USP39: variants seen among roughly 807,000 people sequenced by gnomAD.
USP39 encodes ubiquitin carboxyl-terminal hydrolase 39.
In USP39, 38 loss-of-function variants were observed where a neutral mutation model predicts 66.4. That is an observed-to-expected ratio of 0.57 (90% confidence interval 0.44 to 0.75). The LOEUF (loss-of-function observed/expected upper bound fraction) is 0.75. USP39 is among the 30% of genes least tolerant of loss of function. The pLI is 0.00. For missense variants in USP39, 608 were observed against 714.4 expected (o/e 0.85, Z 1.70); for synonymous variants, 303 against 274.6 (o/e 1.10, Z -1.02).
chr2:85,611,189 C>G, upstream of USP39: 1 of 1,087,700 alleles, frequency 9.2e-7, no homozygotes, highest in Non-Finnish European at 1.2e-6. Flanking sequence ...GCCTGGGCGA[C>G]AGAGACCTAG....
chr2:85,633,232 C>T (rs749788332), intron 6 of USP39, among the ~76,000 whole-genome samples: 3 of 151,922 alleles, frequency 2.0e-5, no homozygotes, highest in East Asian at 1.9e-4. Context: ...GCTATTCTGC[C>T]GCCTCAGCCT....
At chr2:85,644,822 C>T in intron 10 of USP39, 126 bp from the exon 11 acceptor site, 2 of 1,310,106 alleles carry the variant, frequency 1.5e-6, no homozygotes, top group African/African-American at 1.5e-5. Context: ...CTTGACTCTG[C>T]AAGCCTACCC....
At chr2:85,606,742 A>C (rs531346528) in intron 1 of USP39, 1 of 152,108 alleles carries the variant, frequency 6.6e-6, no homozygotes, top group Non-Finnish European at 1.5e-5. Context: ...AAAAGGATAC[A>C]ACAGGTACTT....
intron 2 of USP39, among the ~76,000 whole-genome samples, chr2:85,619,873 A>G (rs886351549): frequency 2.0e-5 from 3 of 148,968 alleles, no homozygotes; most frequent in African/African-American, 7.5e-5. Context: ...TTTTTTTTTG[A>G]GATGGAGTTT....
chr2:85,616,555 G>T, intron 1 of USP39, 92 bp downstream of exon 1: 1 of 457,576 alleles, frequency 2.2e-6, no homozygotes, highest in Non-Finnish European at 3.3e-6. Flanking sequence ...CACTGCGCCG[G>T]AGTTGGGGGA....
intron 2 of USP39, 80 bp downstream of exon 2, chr2:85,619,369 A>G: frequency 6.9e-7 from 1 of 1,440,832 alleles, no homozygotes; most frequent in African/African-American, 1.4e-5. Context: ...ACAGTGAACA[A>G]CACATTGACA....
chr2:85,634,153 G>C (rs1465733421), intron 6 of USP39, among the ~76,000 whole-genome samples: 1 of 151,798 alleles, frequency 6.6e-6, no homozygotes, highest in East Asian at 2.0e-4. Flanking sequence ...TGGCTTTTAA[G>C]AGTCTCTGGT....
chr2:85,611,693 C>A (rs1319379859), upstream of USP39: 1 of 1,578,562 alleles, frequency 6.3e-7, no homozygotes, highest in Non-Finnish European at 8.6e-7. Flanking sequence ...GGTACACCTG[C>A]AGGTCTGGCT....
At chr2:85,646,469 C>G (rs989187916) in intron 11 of USP39, among the ~76,000 whole-genome samples, 3 of 152,180 alleles carry the variant, frequency 2.0e-5, no homozygotes, top group Non-Finnish European at 4.4e-5. Flanking sequence ...GAGACCTAGG[C>G]TCAGAGTTTC....
At position 85,619,300 on chromosome 2, in the gene USP39, C is replaced by T. The variant is rs1200445110; in HGVS notation, c.338+11C>T. 6.2e-7 allele frequency: 1 copy of T among 1,612,144 alleles called. No homozygotes were observed. Among genetic ancestry groups the T allele is most frequent in the East Asian group, 2.2e-5 (1 of 44,860 alleles). The stretch of plus-strand genomic sequence containing the variant: ...GGACACCATTAACAGGTCAGTAGGA[C>T]AGAGATGCTGAGTATAGCACAAGAA... On this transcript the variant is annotated intron_variant, in intron 2 of 12. Transcript: ENST00000323701.
intron 2 of USP39, among the ~76,000 whole-genome samples, chr2:85,620,810 C>T (rs1268457863): frequency 2.0e-5 from 3 of 152,044 alleles, no homozygotes; most frequent in Admixed American, 6.6e-5. Flanking sequence ...GGATTATTAT[C>T]GGTTAATTAA....
In USP39 at chr2:85,648,771, G is replaced by C; in HGVS notation, c.1661G>C (p.Arg554Thr). The C allele has an allele frequency of 6.2e-7, 1 of 1,614,130 alleles. No individual in the cohort carries two copies. The highest frequency in any genetic ancestry group is 8.5e-7 in the Non-Finnish European group (1 of 1,179,994). The change falls in exon 13 of 13, where the codon AGG becomes ACG. Residue 554 changes from arginine (R) to threonine (T), a missense_variant. Around this residue, in one of 6 missense-constraint regions of USP39, gnomAD observed 164 missense variants for 250.3 expected, o/e 0.66. Coordinates refer to ENST00000323701, the MANE Select transcript of USP39 (RefSeq NM_006590.4). ...LSEAYIQIWK[R>T]RDNDETNQQG... The stretch of plus-strand genomic sequence containing the variant: ...TTTCATTTCTTACAGATTTGGAAGA[G>C]GCGAGATAATGATGAAACCAACCAG...
chr2:85,603,879 C>G (rs1226633632), intron 1 of USP39, among the ~76,000 whole-genome samples: 7 of 152,204 alleles, frequency 4.6e-5, no homozygotes. Flanking sequence ...AGGCGTGGGC[C>G]ACTGCGCCTG....
At chr2:85,611,651 G>T, upstream of USP39, 2 of 1,557,356 alleles carry the variant, frequency 1.3e-6, no homozygotes, top group East Asian at 2.4e-5. Flanking sequence ...GGAGGCAGGC[G>T]GGGCGGGCGG....
rs767910692 is a variant in USP39 at position 85,630,788 on chromosome 2, G to A, written c.791G>A (p.Arg264His). The A allele has an allele frequency of 1.2e-5, 19 of 1,614,054 alleles. No homozygotes were observed. In the South Asian group the frequency reaches 1.2e-4, roughly 10 times the overall value. Residue 264 changes from arginine to histidine, a missense_variant, in exon 6 of 13, where the codon CGT becomes CAT. Arg to His is a conservative substitution (Grantham distance 29). This residue lies in a region of USP39 where 33 missense variants were observed against 21.7 expected (regional missense o/e 1.52). Coordinates refer to ENST00000323701, the MANE Select transcript of USP39 (RefSeq NM_006590.4). ...LEEDNYKNIKRPPGDIMFLLV... is the reference protein window; with the variant it reads ...LEEDNYKNIKHPPGDIMFLLV... ...GAAGACAATTATAAGAACATCAAAC[G>A]TCCTCCAGGGGATATCATGTTCTTG...
chr2:85,604,231 GAC>G (rs548544940), intron 1 of USP39, among the ~76,000 whole-genome samples: 130 of 152,160 alleles, frequency 8.5e-4, no homozygotes, highest in Non-Finnish European at 1.4e-3. Flanking sequence ...TTTCTTTTGA[GAC>G]AGAGTTTCAC....
At chr2:85,637,196 T>G (rs1292026455) in intron 7 of USP39, among the ~76,000 whole-genome samples, 173 bp from the exon 8 acceptor site, 2 of 152,334 alleles carry the variant, frequency 1.3e-5, no homozygotes, top group Admixed American at 1.3e-4. Context: ...CACAAATAAT[T>G]ATAAAGGTAC....
At chr2:85,645,269 C>A in intron 11 of USP39, 186 bp downstream of exon 11, 4 of 624,856 alleles carry the variant, frequency 6.4e-6, no homozygotes, top group Non-Finnish European at 1.0e-5. Flanking sequence ...TTGGACTCAC[C>A]TTGGGAGCTT....
chr2:85,616,531 A>T (rs1573388769), intron 1 of USP39, 68 bp downstream of exon 1: 1 of 1,117,738 alleles, frequency 8.9e-7, no homozygotes, highest in South Asian at 2.0e-5. Context: ...CTTGTCTCTA[A>T]TCTTCCGCTA....
Sources: allele counts gnomAD v4.1 joint callset (sites outside exome capture counted in the v4.1 genomes callset), GRCh38; gene constraint gnomAD v4.1.1; regional missense constraint gnomAD v4.1.1; transcripts MANE v1.5; gene names NCBI Gene and HGNC (gene_info 2026-07-23, HGNC 2026-07-21).